Variants in FRK observed in about 807,000 individuals in gnomAD.
The protein encoded by FRK is tyrosine-protein kinase FRK.
FRK carries 51 observed loss-of-function variants against 56.4 expected under a neutral mutation model. That is an observed-to-expected ratio of 0.90 (90% confidence interval 0.72 to 1.14). FRK has a LOEUF of 1.14. Ranked by LOEUF, FRK falls within the 50% of genes most tolerant of loss-of-function variation. The pLI is 0.00. For synonymous variants in FRK, 245 were observed against 217.9 expected (o/e 1.12, Z -1.10); for missense variants, 570 against 601.4 (o/e 0.95, Z 0.55).
chr6:116,074,518 C>T, the FRK span, among the ~76,000 whole-genome samples: 1 of 152,206 alleles, frequency 6.6e-6, no homozygotes, highest in African/African-American at 2.4e-5. Context: ...TTTGAGCAAA[C>T]ACTTTTAAAT....
chr6:115,973,822 G>T (rs754600593), intron 2 of FRK, among the ~76,000 whole-genome samples: 1 of 150,270 alleles, frequency 6.7e-6, no homozygotes, highest in Non-Finnish European at 1.5e-5. Context: ...AGTGAGCCAA[G>T]ATTGTGCCAC....
intron 1 of FRK, among the ~76,000 whole-genome samples, chr6:116,046,868 C>G (rs6926171): frequency 0.99 from 151,282 of 152,044 alleles, 75,267 homozygotes; most frequent in Middle Eastern, 1. Flanking sequence ...GTATACCAGA[C>G]GGAGGGAAAG....
chr6:116,053,457 G>A (rs143501926), intron 1 of FRK, among the ~76,000 whole-genome samples: 3 of 152,240 alleles, frequency 2.0e-5, no homozygotes, highest in East Asian at 1.9e-4. Context: ...AGAAGGTTGT[G>A]TCTACTTTGA....
intron 2 of FRK, among the ~76,000 whole-genome samples, chr6:115,988,619 G>GT (rs1418574984): frequency 6.6e-6 from 1 of 151,968 alleles, no homozygotes; most frequent in Non-Finnish European, 1.5e-5. Flanking sequence ...AGGAGCACAT[G>GT]TTTGAGTGAA....
At chr6:116,045,048 G>C (rs1414974866) in intron 1 of FRK, among the ~76,000 whole-genome samples, 2 of 152,066 alleles carry the variant, frequency 1.3e-5, no homozygotes, top group Non-Finnish European at 2.9e-5. Context: ...CCTCTTCAAG[G>C]AGAACTACAA....
upstream of FRK, among the ~76,000 whole-genome samples, chr6:116,063,954 A>C (rs1777706724): frequency 6.6e-6 from 1 of 152,220 alleles, no homozygotes; most frequent in Non-Finnish European, 1.5e-5. Context: ...ATCTGACTCC[A>C]GAGCCTGAGA....
At chr6:115,948,922 T>C (rs1772582966) in intron 5 of FRK, among the ~76,000 whole-genome samples, 1 of 152,178 alleles carries the variant, frequency 6.6e-6, no homozygotes, top group South Asian at 2.1e-4. Flanking sequence ...TTACCTAATC[T>C]CTACATACCT....
At chr6:116,044,507 G>A (rs1019387165) in intron 1 of FRK, among the ~76,000 whole-genome samples, 8 of 152,140 alleles carry the variant, frequency 5.3e-5, no homozygotes, top group Admixed American at 5.2e-4. Context: ...AATATATGCA[G>A]AAAAGTCCTT....
At chr6:116,065,873 A>C (rs983726585), upstream of FRK, among the ~76,000 whole-genome samples, 1 of 152,182 alleles carries the variant, frequency 6.6e-6, no homozygotes, top group African/African-American at 2.4e-5. Flanking sequence ...ATTATATCTT[A>C]TGTAGTCTAA....
In FRK at chr6:116,060,501, C is replaced by A; in HGVS notation, c.-190G>T. 1 of 564,804 alleles carries A rather than the reference C, an allele frequency of 1.8e-6. No homozygotes were observed. Among genetic ancestry groups the A allele is most frequent in the Non-Finnish European group, 3.1e-6 (1 of 320,190 alleles). 35.0% of individuals were successfully genotyped at this position (564,804 alleles called of 1,614,324 possible). ...AGCAAGTCCTACCTGGAGAGACTTACCGGCTTGCTTTCTGTGGCTGGAGGT... is the reference window on the plus strand; with the variant it reads ...AGCAAGTCCTACCTGGAGAGACTTAACGGCTTGCTTTCTGTGGCTGGAGGT... On this transcript the variant is annotated 5_prime_UTR_variant, in exon 1 of 8. Coordinates refer to ENST00000606080, the MANE Select transcript of FRK (RefSeq NM_002031.3).
intron 1 of FRK, among the ~76,000 whole-genome samples, chr6:116,023,311 C>T (rs2114740893): frequency 6.6e-6 from 1 of 152,224 alleles, no homozygotes; most frequent in African/African-American, 2.4e-5. Context: ...AAAATGAAAG[C>T]ATATGGCCAC....
chr6:116,046,874 GA>G (rs1344004325), intron 1 of FRK, among the ~76,000 whole-genome samples: 1 of 151,806 alleles, frequency 6.6e-6, no homozygotes, highest in Admixed American at 6.6e-5. Flanking sequence ...CAGACGGAGG[GA>G]AAGGTATTAA....
chr6:116,023,039 T>A (rs909573585), intron 1 of FRK, among the ~76,000 whole-genome samples: 1 of 152,126 alleles, frequency 6.6e-6, no homozygotes, highest in African/African-American at 2.4e-5. Flanking sequence ...AGTTGGCTAA[T>A]AAGCACAGGA....
rs1776544395 is a variant in FRK, at chr6:116,037,804, T to A, written c.344+22164A>T. On this transcript the variant is annotated intron_variant, in intron 1 of 7. Transcript: ENST00000606080. The stretch of plus-strand genomic sequence containing the variant: ...TTTTTACCCACATTTTAAACTAATG[T>A]GTCTCCTCTTTTTCTTTTGATTGTT... Among the ~76,000 whole-genome samples the A allele has an allele frequency of 6.2e-5, 4 of 64,894 alleles. No homozygotes were observed. In the South Asian group the frequency reaches 2.3e-3, roughly 37 times the overall value. The allele number at this position is 64,894 out of a possible 152,430, so 42.6% of individuals were successfully genotyped here. A position where few individuals can be genotyped will look rare whatever the true frequency, so the allele number is the denominator to read the frequency against.
At chr6:115,945,594 A>G (rs912448197) in intron 5 of FRK, among the ~76,000 whole-genome samples, 3 of 152,176 alleles carry the variant, frequency 2.0e-5, no homozygotes, top group Non-Finnish European at 4.4e-5. Context: ...CATTGAGCCT[A>G]TAAAACAATA....
At chr6:115,942,646 C>A (rs1562246779) in intron 7 of FRK, 21 bp from the exon 8 acceptor site, 2 of 1,586,750 alleles carry the variant, frequency 1.3e-6, no homozygotes, top group South Asian at 1.1e-5. Context: ...CAGAACGAAA[C>A]CAACAACAAC....
intron 2 of FRK, among the ~76,000 whole-genome samples, chr6:115,991,535 T>A (rs528077834): frequency 6.6e-6 from 1 of 151,988 alleles, no homozygotes; most frequent in East Asian, 1.9e-4. Context: ...GTTGCATAAT[T>A]TTTGTTTTTA....
chr6:116,057,408 G>A (rs190966920), intron 1 of FRK, among the ~76,000 whole-genome samples: 8 of 152,300 alleles, frequency 5.3e-5, no homozygotes, highest in African/African-American at 1.9e-4. Flanking sequence ...GCAGAAGGCT[G>A]TTCAGTAAAA....
chr6:115,951,607 C>T (rs191521556), intron 5 of FRK, among the ~76,000 whole-genome samples: 21 of 152,156 alleles, frequency 1.4e-4, no homozygotes, highest in African/African-American at 4.8e-4. Context: ...AAATGTATTA[C>T]AAAAATTATC....
Sources: allele counts gnomAD v4.1 joint callset (sites outside exome capture counted in the v4.1 genomes callset), GRCh38; gene constraint gnomAD v4.1.1; transcripts MANE v1.5; gene names NCBI Gene and HGNC (gene_info 2026-07-23, HGNC 2026-07-21).